HPSE2: variants seen among roughly 807,000 people sequenced by gnomAD.
HPSE2 encodes heparanase 2 (inactive), also known as inactive heparanase-2.
A neutral mutation model predicts 60.5 loss-of-function variants in HPSE2; 38 were observed. The ratio of observed to expected loss-of-function variants is 0.63; its 90% CI spans 0.48 to 0.82. The LOEUF is 0.82. Among genes scored for constraint, HPSE2 ranks in the 40% least tolerant of loss-of-function variants. HPSE2 has a pLI of 0.00. For missense variants in HPSE2, 713 were observed against 740.4 expected (o/e 0.96, Z 0.43); for synonymous variants, 295 against 293.2 (o/e 1.01, Z -0.06).
intron 9 of HPSE2, among the ~76,000 whole-genome samples, chr10:98,597,122 G>A (rs1945260600): frequency 6.6e-6 from 1 of 152,022 alleles, no homozygotes; most frequent in Non-Finnish European, 1.5e-5. Flanking sequence ...CAGCATGGGG[G>A]AAACTGCCCC....
intron 2 of HPSE2, among the ~76,000 whole-genome samples, chr10:99,180,661 G>A (rs1339554167): frequency 6.6e-6 from 1 of 151,934 alleles, no homozygotes; most frequent in Non-Finnish European, 1.5e-5. Context: ...GAGGTGGGTG[G>A]ATTGCCTGAG....
At chr10:99,153,685 A>C (rs1450487423) in intron 2 of HPSE2, among the ~76,000 whole-genome samples, 2 of 152,374 alleles carry the variant, frequency 1.3e-5, no homozygotes, top group South Asian at 2.1e-4. Context: ...AATTCTAAAA[A>C]GCAGAGCGCC....
At chr10:98,826,469 A>T (rs1589893848) in intron 3 of HPSE2, among the ~76,000 whole-genome samples, 1 of 152,178 alleles carries the variant, frequency 6.6e-6, no homozygotes, top group African/African-American at 2.4e-5. Flanking sequence ...CACTATTTTC[A>T]TAGAAAGGTT....
chr10:99,177,390 G>GAC (rs1026757463), intron 2 of HPSE2, among the ~76,000 whole-genome samples: 6 of 151,916 alleles, frequency 3.9e-5, no homozygotes, highest in Non-Finnish European at 5.9e-5. Context: ...CACGTGCAAA[G>GAC]ACACACACAG....
intron 9 of HPSE2, among the ~76,000 whole-genome samples, chr10:98,509,255 A>T (rs569199372): frequency 2.6e-5 from 4 of 151,900 alleles, no homozygotes; most frequent in Non-Finnish European, 4.4e-5. Flanking sequence ...CGGGGGTTGC[A>T]GTGAGCCAAG....
At chr10:98,578,263 C>T (rs1267269003) in intron 9 of HPSE2, among the ~76,000 whole-genome samples, 3 of 152,310 alleles carry the variant, frequency 2.0e-5, no homozygotes, top group East Asian at 3.9e-4. Context: ...TCTAAACCTT[C>T]TGTCCCATGG....
intron 6 of HPSE2, among the ~76,000 whole-genome samples, chr10:98,662,935 T>C (rs1198675211): frequency 6.6e-6 from 1 of 152,042 alleles, no homozygotes; most frequent in Non-Finnish European, 1.5e-5. Flanking sequence ...TTTAGAAAGA[T>C]TTAAAAAACA....
At chr10:99,047,514 C>CT (rs1957883293) in intron 3 of HPSE2, 1 of 417,806 alleles carries the variant, frequency 2.4e-6, no homozygotes, top group Non-Finnish European at 4.2e-6. Flanking sequence ...GCAAAAGAAA[C>CT]TATTACTAAA....
At chr10:98,867,833 G>C (rs963968408) in intron 3 of HPSE2, among the ~76,000 whole-genome samples, 6 of 152,104 alleles carry the variant, frequency 3.9e-5, no homozygotes, top group African/African-American at 1.4e-4. Flanking sequence ...GCCAAGGCAG[G>C]CCAACTACCT....
chr10:98,549,140 C>T (rs560579267), intron 9 of HPSE2, among the ~76,000 whole-genome samples: 17 of 152,130 alleles, frequency 1.1e-4, no homozygotes, highest in Non-Finnish European at 2.5e-4. Context: ...ATTCTGGAAT[C>T]GAATTACCTG....
At chr10:98,978,883 G>T (rs1956145503) in intron 3 of HPSE2, among the ~76,000 whole-genome samples, 2 of 152,164 alleles carry the variant, frequency 1.3e-5, no homozygotes, top group African/African-American at 4.8e-5. Flanking sequence ...GTCATTTGTG[G>T]ACATACACAG....
intron 9 of HPSE2, among the ~76,000 whole-genome samples, chr10:98,510,783 A>G (rs1452992884): frequency 6.6e-6 from 1 of 152,236 alleles, no homozygotes. Flanking sequence ...TGAACAAGAC[A>G]TCCTTCTGTC....
chr10:98,731,576 C>T (rs1949228887), intron 4 of HPSE2, among the ~76,000 whole-genome samples: 1 of 152,170 alleles, frequency 6.6e-6, no homozygotes, highest in Non-Finnish European at 1.5e-5. Context: ...AAATGCAACA[C>T]CCATTCCTGA....
intron 2 of HPSE2, among the ~76,000 whole-genome samples, chr10:99,220,559 C>A (rs1317704902): frequency 2.6e-5 from 4 of 152,120 alleles, no homozygotes; most frequent in African/African-American, 9.7e-5. Flanking sequence ...AATCCCAGCA[C>A]TTTGGGAAGC....
intron 3 of HPSE2, among the ~76,000 whole-genome samples, chr10:99,094,579 CAG>C (rs1408578923): frequency 1.6e-4 from 12 of 72,962 alleles, no homozygotes; most frequent in Non-Finnish European, 2.4e-4. Flanking sequence ...TTTTCTGAGA[CAG>C]AGTCTTTCTC....
chr10:98,597,800 G>A (rs992461460), intron 9 of HPSE2, among the ~76,000 whole-genome samples: 6 of 151,424 alleles, frequency 4.0e-5, no homozygotes, highest in Non-Finnish European at 8.8e-5. Context: ...GTGAGACCCC[G>A]TCTCTACTAA....
chr10:98,653,057 A>G (rs1565050456), intron 6 of HPSE2, among the ~76,000 whole-genome samples: 1 of 152,198 alleles, frequency 6.6e-6, no homozygotes, highest in Admixed American at 6.5e-5. Flanking sequence ...TGTTAGATGC[A>G]TACATGTTTA....
the HPSE2 span, among the ~76,000 whole-genome samples, chr10:99,275,164 G>A: frequency 0.2 from 30,991 of 152,088 alleles, 5,318 homozygotes; most frequent in African/African-American, 0.47. Flanking sequence ...AAATATCTGG[G>A]AAGAGAAAAA....
chr10:98,609,792 C>T (rs904356058), intron 9 of HPSE2, among the ~76,000 whole-genome samples: 4 of 151,436 alleles, frequency 2.6e-5, no homozygotes, highest in South Asian at 2.1e-4. Context: ...CAGGCTCCTG[C>T]TGTTTCCTAT....
Sources: allele counts gnomAD v4.1 joint callset (sites outside exome capture counted in the v4.1 genomes callset), GRCh38; gene constraint gnomAD v4.1.1; transcripts MANE v1.5; gene names NCBI Gene and HGNC (gene_info 2026-07-23, HGNC 2026-07-21).